The following BCAS3 variants were observed in gnomAD, a reference collection of about 807,000 sequenced individuals.
BCAS3 encodes BCAS4/BCAS3 fusion.
BCAS3 carries 53 observed loss-of-function variants against 116.1 expected under a neutral mutation model. That is an observed-to-expected ratio of 0.46 (90% CI 0.37 to 0.57). The LOEUF (loss-of-function observed/expected upper bound fraction) is 0.57, where lower values mean the gene tolerates loss of function less well. BCAS3 is among the 20% of genes least tolerant of loss of function. The pLI is 0.00. For missense variants in BCAS3, 917 were observed against 1,165.4 expected (o/e 0.79, Z 3.10); for synonymous variants, 391 against 408.2 (o/e 0.96, Z 0.51).
chr17:60,747,977 G>A (rs1430022489), intron 6 of BCAS3, among the ~76,000 whole-genome samples: 2 of 151,968 alleles, frequency 1.3e-5, no homozygotes, highest in African/African-American at 2.4e-5. Context: ...TTTTCCAAAG[G>A]TGTTATTCTC....
intron 22 of BCAS3, among the ~76,000 whole-genome samples, chr17:61,149,053 A>G (rs1312072938): frequency 1.3e-5 from 2 of 152,240 alleles, no homozygotes; most frequent in Admixed American, 6.5e-5. Flanking sequence ...GAAAAGGCAC[A>G]CAAATACTCT....
chr17:60,803,105 C>T (rs1374307130), intron 6 of BCAS3, among the ~76,000 whole-genome samples: 1 of 152,272 alleles, frequency 6.6e-6, no homozygotes, highest in African/African-American at 2.4e-5. Context: ...ATGGGAAAGA[C>T]GACATGAAGG....
In BCAS3 at chr17:61,197,954, G is replaced by C. The variant is rs1232183225; in HGVS notation, c.2425+113390G>C. Among the ~76,000 whole-genome samples the C allele has an allele frequency of 9.9e-5, 15 of 152,122 alleles. 1 individual carries two copies. The East Asian group carries it at 2.9e-3, about 29-fold the overall frequency. ...CATAGATAAGTAATAAGATGAGTGT[G>C]TTAGGTGTTGGCTCTGAAAGTCTAT... On this transcript the variant is annotated intron_variant, in intron 22 of 23. Transcript: ENST00000407086.
chr17:60,999,321 T>C (rs527828582), intron 15 of BCAS3, among the ~76,000 whole-genome samples: 20 of 151,964 alleles, frequency 1.3e-4, no homozygotes, highest in Non-Finnish European at 2.5e-4. Context: ...GGATGGATCA[T>C]GAGGTCAGAA....
rs928283035 is a variant in BCAS3, at chr17:60,882,654, A to T, written c.662-7041A>T. 1.7e-3 allele frequency among the ~76,000 whole-genome samples: 255 copies of T among 149,920 alleles called. 5 individuals carry two copies. In the East Asian group the frequency reaches 0.041, roughly 24 times the overall value. On this transcript the variant is annotated intron_variant, in intron 9 of 23. Transcript: ENST00000407086. ...GGAAGGGATCCAGTTTCAGCTTCCTACATATGGCTAGCCAGTTTTCCCAGC... is the reference window on the plus strand; with the variant it reads ...GGAAGGGATCCAGTTTCAGCTTCCTTCATATGGCTAGCCAGTTTTCCCAGC...
Position 61,388,302 on chromosome 17 carries a change from C to T in BCAS3, c.2594-3675C>T, listed in dbSNP as rs747017605. ...GGGTCCCATCTGGCACTGCATGGGCCGTAGGTCCCCAGCCCTCCCACTTCC... is the reference window on the plus strand; with the variant it reads ...GGGTCCCATCTGGCACTGCATGGGCTGTAGGTCCCCAGCCCTCCCACTTCC... On this transcript the variant is annotated intron_variant, in intron 23 of 23. Coordinates refer to ENST00000407086, the MANE Select transcript of BCAS3 (RefSeq NM_017679.5). The surrounding 1 kb of genome is among the most constrained non-coding windows in gnomAD (Gnocchi z 6.5). The T allele has an allele frequency of 1.3e-5, 4 of 305,824 alleles. No individual in the cohort carries two copies. Among genetic ancestry groups the T allele is most frequent in the African/African-American group, 4.3e-5 (2 of 46,106 alleles). The allele number at this position is 305,824 out of a possible 1,614,324, so 18.9% of individuals were successfully genotyped here.
Position 60,689,693 on chromosome 17 carries a change from G to A in BCAS3, c.146G>A (p.Ser49Asn), listed in dbSNP as rs2034558793. The change falls in exon 4 of 24, where the codon AGT (serine) becomes AAT (asparagine). Residue 49 changes from serine (S) to asparagine (N), a missense_variant. Around this residue, in one of 3 missense-constraint regions of BCAS3, gnomAD observed 807 missense variants for 1,026.0 expected, o/e 0.79. Transcript: ENST00000407086. ...TTTCTGTTTACTATGCAGGCTTACAGTGGAACACCTCTAACAGAAGAAAAG... is the reference window on the plus strand; with the variant it reads ...TTTCTGTTTACTATGCAGGCTTACAATGGAACACCTCTAACAGAAGAAAAG... The part of the protein sequence containing the change: ...FLQDVVPQAY[S>N]GTPLTEEKEK... 1 of 1,599,014 alleles carries A rather than the reference G, an allele frequency of 6.3e-7. No individual in the cohort carries two copies.
At chr17:61,384,090 A>C (rs1480960681) in intron 23 of BCAS3, 2 of 151,734 alleles carry the variant, frequency 1.3e-5, no homozygotes, top group Non-Finnish European at 2.9e-5. Context: ...GGTGCCTGAG[A>C]CTCCTCCAGG....
chr17:61,149,166 G>A (rs7212029), intron 22 of BCAS3, among the ~76,000 whole-genome samples: 14,316 of 151,766 alleles, frequency 0.094, 1,990 homozygotes, highest in African/African-American at 0.3. Flanking sequence ...AGTAGTTCTC[G>A]GTGTCTACTA....
At chr17:60,949,960 G>A (rs1262153270) in intron 14 of BCAS3, among the ~76,000 whole-genome samples, 1 of 152,176 alleles carries the variant, frequency 6.6e-6, no homozygotes, top group Non-Finnish European at 1.5e-5. Flanking sequence ...AAAAGTTGAT[G>A]TGTGGTGGGG....
chr17:60,851,596 A>T, intron 7 of BCAS3: 1 of 640,302 alleles, frequency 1.6e-6, no homozygotes, highest in Non-Finnish European at 2.9e-6. Flanking sequence ...GCTTGAAACG[A>T]GGAAGTACAA....
Position 60,747,239 on chromosome 17 carries a change from C to A in BCAS3, c.363C>A (p.Gly121=), listed in dbSNP as rs200134733. ...EAQELFSVRH[G]PIRAARILPA... is the part of the protein sequence containing the mutation. ...AAGAGCTCTTCTCTGTTCGACATGGCCCAATTCGAGCGGCTAGAATCTTGC... is the reference window on the plus strand; with the variant it reads ...AAGAGCTCTTCTCTGTTCGACATGGACCAATTCGAGCGGCTAGAATCTTGC... Residue 121 remains glycine (G), a synonymous_variant, in exon 6 of 24, where the codon GGC becomes GGA. Transcript: ENST00000407086. The A allele has an allele frequency of 3.9e-4, 632 of 1,613,056 alleles. 1 individual carries two copies. In the African/African-American group the frequency reaches 7.7e-3, roughly 20 times the overall value.
intron 11 of BCAS3, among the ~76,000 whole-genome samples, chr17:60,904,790 G>A (rs1255616102): frequency 3.3e-5 from 5 of 152,300 alleles, no homozygotes; most frequent in Admixed American, 1.3e-4. Context: ...CCATGATTGC[G>A]TCACTGCAAT....
chr17:60,879,294 G>A (rs1381948784), intron 9 of BCAS3, among the ~76,000 whole-genome samples: 1 of 152,162 alleles, frequency 6.6e-6, no homozygotes, highest in Non-Finnish European at 1.5e-5. Context: ...AGTTTGAAAA[G>A]GTTTTGTATA....
chr17:60,910,669 A>G lies in BCAS3; in HGVS notation c.960A>G (p.Thr320=), dbSNP rs758738486. 3.7e-6 allele frequency: 6 copies of G among 1,610,650 alleles called. No individual in the cohort carries two copies. The East Asian group carries it at 1.3e-4, about 36-fold the overall frequency. ...GTCCTTTGGTCCCAGGCATCATCAC[A>G]GTTATTGACACCGAAACCGTTGGAG... ...RRSPLVPGII[T]VIDTETVGEG... Residue 320 remains threonine (T), a synonymous_variant, in exon 12 of 24, where the codon ACA becomes ACG. Transcript: ENST00000407086.
At position 61,198,487 on chromosome 17, in the gene BCAS3, A is replaced by G. The variant is rs2080631336; in HGVS notation, c.2425+113923A>G. Among the ~76,000 whole-genome samples the G allele has an allele frequency of 1.3e-5, 2 of 152,348 alleles. No homozygotes were observed. Among genetic ancestry groups the G allele is most frequent in the Admixed American group, 6.5e-5 (1 of 15,304 alleles). ...TTCATTAATTTAAGTATTTTCTTCTATAATAGCTACAACAATTTTATACTA... is the reference window on the plus strand; with the variant it reads ...TTCATTAATTTAAGTATTTTCTTCTGTAATAGCTACAACAATTTTATACTA... On this transcript the variant is annotated intron_variant, in intron 22 of 23. Coordinates refer to ENST00000407086, the MANE Select transcript of BCAS3 (RefSeq NM_017679.5). This position sits in a 1 kb window ranked among gnomAD's most constrained non-coding sequence, Gnocchi z 5.0.
chr17:60,894,839 C>G (rs1449776164), intron 10 of BCAS3, among the ~76,000 whole-genome samples: 1 of 151,884 alleles, frequency 6.6e-6, no homozygotes, highest in Non-Finnish European at 1.5e-5. Context: ...TGGTTTTTGT[C>G]CTTCATTCTG....
At chr17:61,125,480 T>C (rs1341017736) in intron 22 of BCAS3, among the ~76,000 whole-genome samples, 2 of 152,178 alleles carry the variant, frequency 1.3e-5, no homozygotes, top group African/African-American at 2.4e-5. Flanking sequence ...AAAAAGTTCC[T>C]AGAAATAAGC....
chr17:60,949,618 G>A (rs2060723694), intron 14 of BCAS3, among the ~76,000 whole-genome samples: 1 of 152,068 alleles, frequency 6.6e-6, no homozygotes, highest in Non-Finnish European at 1.5e-5. Flanking sequence ...ACCTATTTGT[G>A]GGGTACATGT....
Sources: gnomAD v4.1 joint callset for allele counts (sites outside exome capture counted in the v4.1 genomes callset) on GRCh38, gnomAD v4.1.1 for gene constraint, gnomAD v4.1.1 regional missense constraint, Gnocchi (gnomAD v3.1) non-coding constraint, MANE v1.5 for transcripts, NCBI Gene and HGNC (gene_info 2026-07-23, HGNC 2026-07-21) for gene names.